The following ATRNL1 variants were observed in gnomAD, a reference collection of about 807,000 sequenced individuals.
ATRNL1 encodes attractin-like protein 1.
In ATRNL1, 95 loss-of-function variants were observed where a neutral mutation model predicts 182.7. That is an observed-to-expected ratio of 0.52 (90% CI 0.44 to 0.62). The LOEUF (loss-of-function observed/expected upper bound fraction) is 0.62, where lower values mean the gene tolerates loss of function less well. Ranked by LOEUF, ATRNL1 falls within the 20% of genes least tolerant of loss-of-function variation. The pLI, the probability that ATRNL1 is intolerant of heterozygous loss-of-function variation, is 0.00. For missense variants in ATRNL1, 1,471 were observed against 1,679.5 expected, an observed-to-expected ratio of 0.88 and a Z score of 2.17; for synonymous variants, 576 against 568.3, an observed-to-expected ratio of 1.01 and a Z score of -0.19.
At chr10:115,913,672 C>T (rs1952754440) in intron 28 of ATRNL1, among the ~76,000 whole-genome samples, 1 of 152,216 alleles carries the variant, frequency 6.6e-6, no homozygotes. Flanking sequence ...CCTCCCAGCA[C>T]TGCTCACATG....
At chr10:115,193,766 T>G (rs1228206920) in intron 8 of ATRNL1, among the ~76,000 whole-genome samples, 7 of 151,928 alleles carry the variant, frequency 4.6e-5, no homozygotes, top group Admixed American at 1.3e-4. Flanking sequence ...GCTCTTCTCT[T>G]TGTGTTCTTT....
At chr10:115,548,363 A>G (rs996852568) in intron 25 of ATRNL1, among the ~76,000 whole-genome samples, 6 of 152,192 alleles carry the variant, frequency 3.9e-5, no homozygotes, top group African/African-American at 1.4e-4. Context: ...AAGGAGAAAA[A>G]ATATATTGAA....
At chr10:115,587,701 G>A (rs1445664792) in intron 26 of ATRNL1, among the ~76,000 whole-genome samples, 1 of 152,044 alleles carries the variant, frequency 6.6e-6, no homozygotes, top group African/African-American at 2.4e-5. Context: ...AGATGGAAAT[G>A]CAGAAATCAC....
intron 26 of ATRNL1, among the ~76,000 whole-genome samples, chr10:115,708,811 A>G (rs1467799129): frequency 6.6e-6 from 1 of 151,804 alleles, no homozygotes; most frequent in Non-Finnish European, 1.5e-5. Flanking sequence ...TCTGTGGTGT[A>G]TATTACTTTG....
chr10:115,922,353 C>G (rs150677569), intron 28 of ATRNL1, among the ~76,000 whole-genome samples: 33 of 152,084 alleles, frequency 2.2e-4, no homozygotes, highest in African/African-American at 6.3e-4. Context: ...TCATGAGTAA[C>G]CCAGAAAAAT....
intron 28 of ATRNL1, among the ~76,000 whole-genome samples, chr10:115,893,262 A>C (rs1213603599): frequency 1.3e-5 from 2 of 152,176 alleles, no homozygotes; most frequent in Non-Finnish European, 2.9e-5. Flanking sequence ...AGCCAGGTGA[A>C]GTGGAGAGGC....
chr10:115,584,480 G>A (rs1855367647), intron 26 of ATRNL1, among the ~76,000 whole-genome samples: 1 of 140,942 alleles, frequency 7.1e-6, no homozygotes, highest in African/African-American at 2.5e-5. Flanking sequence ...AGTCTTGGGA[G>A]AGTGTATGTA....
At position 115,350,261 on chromosome 10, in the gene ATRNL1, G is replaced by A. The variant is rs181341231; in HGVS notation, c.3175+15842G>A. Among the ~76,000 whole-genome samples the A allele has an allele frequency of 6.3e-3, 901 of 143,816 alleles. 8 individuals carry two copies. The highest frequency in any genetic ancestry group is 0.021 in the African/African-American group (814 of 39,126). 94.3% of individuals were successfully genotyped at this position (143,816 alleles called of 152,430 possible). ...TGAGGCAGGAGAATCACTTGAACCC[G>A]GGAGGCGGAGGTTGCAGTGAGCCAA... On this transcript the variant is annotated intron_variant, in intron 19 of 28. Transcript: ENST00000355044.
At chr10:115,495,942 T>C (rs1303734192) in intron 24 of ATRNL1, among the ~76,000 whole-genome samples, 2 of 152,200 alleles carry the variant, frequency 1.3e-5, no homozygotes, top group Non-Finnish European at 2.9e-5. Context: ...CCACTATTAT[T>C]GTGTGGTTAT....
At chr10:115,245,486 C>T (rs1185879281) in intron 10 of ATRNL1, among the ~76,000 whole-genome samples, 5 of 123,952 alleles carry the variant, frequency 4.0e-5, no homozygotes, top group African/African-American at 6.3e-5. Flanking sequence ...GCAACAAGAC[C>T]GACACTCCGT....
At chr10:115,461,182 C>A (rs2134528255) in intron 21 of ATRNL1, among the ~76,000 whole-genome samples, 1 of 151,900 alleles carries the variant, frequency 6.6e-6, no homozygotes, top group African/African-American at 2.4e-5. Context: ...CAGAAGTAAT[C>A]TATATTTATT....
At chr10:115,367,737 A>C (rs1857133527) in intron 19 of ATRNL1, among the ~76,000 whole-genome samples, 2 of 124,178 alleles carry the variant, frequency 1.6e-5, no homozygotes, top group African/African-American at 5.3e-5. Context: ...TCCTTCTAAC[A>C]GACAGGACCC....
intron 25 of ATRNL1, among the ~76,000 whole-genome samples, chr10:115,534,967 T>A (rs7897956): frequency 2.0e-5 from 3 of 151,944 alleles, no homozygotes; most frequent in African/African-American, 4.8e-5. Flanking sequence ...GAGTTTCTGC[T>A]GAGAGATCCG....
chr10:115,138,339 A>C (rs1200145895), intron 5 of ATRNL1, among the ~76,000 whole-genome samples: 1 of 151,952 alleles, frequency 6.6e-6, no homozygotes, highest in African/African-American at 2.4e-5. Flanking sequence ...CCCAGTAGGG[A>C]CTCTGTGTGG....
rs185600794 is a variant in ATRNL1 at position 115,598,433 on chromosome 10, G to A, written c.3795+48897G>A. ...GGCTGGGGTGCAGAGGCGTGATCTC[G>A]GCTCACTGCAACCTCCGCCTCCCAG... On this transcript the variant is annotated intron_variant, in intron 26 of 28. Transcript: ENST00000355044. Among the ~76,000 whole-genome samples the A allele has an allele frequency of 2.6e-3, 386 of 150,630 alleles. 1 individual carries two copies. Among genetic ancestry groups the A allele is most frequent in the African/African-American group, 9.1e-3 (371 of 40,950 alleles).
At chr10:115,506,974 CCCAA>C (rs1554981492) in intron 24 of ATRNL1, among the ~76,000 whole-genome samples, 2 of 151,954 alleles carry the variant, frequency 1.3e-5, no homozygotes, top group African/African-American at 4.8e-5. Flanking sequence ...ATGACATGTG[CCCAA>C]AGTGATTAGA....
At chr10:115,135,832 C>T (rs1228388725) in intron 5 of ATRNL1, among the ~76,000 whole-genome samples, 3 of 151,974 alleles carry the variant, frequency 2.0e-5, no homozygotes, top group Admixed American at 2.0e-4. Context: ...CTTAACCTAC[C>T]TGGTCTTGTG....
intron 24 of ATRNL1, among the ~76,000 whole-genome samples, chr10:115,490,974 C>T (rs375498316): frequency 2.6e-5 from 4 of 152,150 alleles, no homozygotes; most frequent in Non-Finnish European, 4.4e-5. Context: ...GTTTTTCCTT[C>T]TAACAGTCAG....
In ATRNL1 at chr10:115,720,894, T is replaced by C. The variant is rs76193666; in HGVS notation, c.3796-6354T>C. ...AATTTGTTCCCTTTTGTTTTAAGCA[T>C]TAATATGAGTTGATTGATTTATTTC... is the stretch of plus-strand genomic sequence containing the variant. On this transcript the variant is annotated intron_variant, in intron 26 of 28. Transcript: ENST00000355044. Among the ~76,000 whole-genome samples the C allele has an allele frequency of 5.1e-3, 778 of 152,316 alleles. 7 individuals are homozygous for C. Among genetic ancestry groups the C allele is most frequent in the African/African-American group, 0.018 (750 of 41,574 alleles).
Sources: gnomAD v4.1 joint callset for allele counts (sites outside exome capture counted in the v4.1 genomes callset) on GRCh38, gnomAD v4.1.1 for gene constraint, MANE v1.5 for transcripts, NCBI Gene and HGNC (gene_info 2026-07-23, HGNC 2026-07-21) for gene names.